CYTH1: variants seen among roughly 807,000 people sequenced by gnomAD.
CYTH1 encodes cytohesin 1.
Under a neutral mutation model 61.8 loss-of-function variants are expected in CYTH1, and 18 were observed. The observed-to-expected ratio is 0.29, with a 90% CI of 0.20 to 0.43. The LOEUF (loss-of-function observed/expected upper bound fraction) is 0.43, where lower values mean the gene tolerates loss of function less well. CYTH1 is among the 20% of genes least tolerant of loss of function. The probability of loss-of-function intolerance (pLI) is 1.00; values close to 1 mark genes in which losing one functional copy is unlikely to be tolerated. For synonymous variants in CYTH1, 174 were observed against 184.3 expected (o/e 0.94, Z 0.45); for missense variants, 336 against 510.5 (o/e 0.66, Z 3.29).
chr17:78,697,223 C>T (rs2092948104), intron 9 of CYTH1, among the ~76,000 whole-genome samples: 1 of 149,484 alleles, frequency 6.7e-6, no homozygotes, highest in Non-Finnish European at 1.5e-5. Flanking sequence ...CTGGGGCAAG[C>T]AGTTGGGCTG....
At chr17:78,684,707 A>G (rs549959184) in intron 11 of CYTH1, among the ~76,000 whole-genome samples, 1 of 152,340 alleles carries the variant, frequency 6.6e-6, no homozygotes, top group East Asian at 1.9e-4. Context: ...AGATGGAGAA[A>G]AACAGGTTTT....
intron 1 of CYTH1, among the ~76,000 whole-genome samples, chr17:78,724,619 G>A (rs1016291637): frequency 9.2e-5 from 14 of 152,192 alleles, no homozygotes; most frequent in East Asian, 7.7e-4. Context: ...TGTCCCCTGC[G>A]GGACAAAACT....
At chr17:78,685,203 CAAAAAAAAAAAAA>C (rs58642161) in intron 11 of CYTH1, among the ~76,000 whole-genome samples, 2 of 60,446 alleles carry the variant, frequency 3.3e-5, no homozygotes, top group African/African-American at 1.3e-4. Context: ...GACTCTGTCT[CAAAAAAAAAAAAA>C]AAAAAAAAGG....
At chr17:78,724,601 T>C (rs2093255190) in intron 1 of CYTH1, among the ~76,000 whole-genome samples, 1 of 152,186 alleles carries the variant, frequency 6.6e-6, no homozygotes, top group African/African-American at 2.4e-5. Flanking sequence ...TCTCCAGGCA[T>C]TGCTGAATGT....
chr17:78,726,068 G>T (rs898190625), intron 1 of CYTH1, among the ~76,000 whole-genome samples: 3 of 146,268 alleles, frequency 2.1e-5, no homozygotes, highest in East Asian at 2.0e-4. Flanking sequence ...TTTTGAGACG[G>T]TGTCTTGCTC....
At chr17:78,744,450 C>T (rs1478519059) in intron 1 of CYTH1, among the ~76,000 whole-genome samples, 2 of 152,152 alleles carry the variant, frequency 1.3e-5, no homozygotes, top group Non-Finnish European at 2.9e-5. Context: ...CAAGTGTCCT[C>T]CAAAGTCCCG....
At position 78,698,952 on chromosome 17, in the gene CYTH1, G is replaced by C. The variant is rs1266904786; in HGVS notation, c.567C>G (p.Leu189=). 1 of 1,610,874 alleles carries C rather than the reference G, an allele frequency of 6.2e-7. No homozygotes were observed. The highest frequency in any genetic ancestry group is 2.2e-5 in the East Asian group (1 of 44,592). The change falls in exon 8 of 14, where the codon CTC becomes CTG. Residue 189 remains leucine (L), a synonymous_variant. Coordinates refer to ENST00000446868, the MANE Select transcript of CYTH1 (RefSeq NM_004762.6). ...TGTTCAACATGATGATGGCAAAGGA[G>C]AGGACGTAACAAGTATCTAAAGATG... ...VFQSTDTCYV[L]SFAIIMLNTS...
rs556040336 is a variant in CYTH1, at chr17:78,702,390, T to C, written c.237+148A>G. 114 of 1,030,522 alleles carry C rather than the reference T, an allele frequency of 1.1e-4. No homozygotes were observed. The South Asian group carries it at 1.5e-3, about 14-fold the overall frequency. 63.8% of individuals were successfully genotyped at this position (1,030,522 alleles called of 1,614,324 possible). A position where few individuals can be genotyped will look rare whatever the true frequency, so the allele number is the denominator to read the frequency against. On this transcript the variant is annotated intron_variant, in intron 4 of 13. Coordinates refer to ENST00000446868, the MANE Select transcript of CYTH1 (RefSeq NM_004762.6). The stretch of plus-strand genomic sequence containing the variant: ...CCTATAAAGCCGGGGAGTCACAGTT[T>C]AGGAACAAGGGCTTAGTGCATAACA...
intron 1 of CYTH1, among the ~76,000 whole-genome samples, chr17:78,737,874 TACAC>T (rs10660165): frequency 1.3e-3 from 195 of 150,010 alleles, no homozygotes; most frequent in African/African-American, 3.8e-3. Context: ...CTTCTATAGA[TACAC>T]ACACACACAC....
At chr17:78,753,348 G>A (rs1026246674) in intron 1 of CYTH1, among the ~76,000 whole-genome samples, 1 of 152,080 alleles carries the variant, frequency 6.6e-6, no homozygotes, top group African/African-American at 2.4e-5. Context: ...CACAAGGCCG[G>A]TGCCACAGGC....
intron 1 of CYTH1, among the ~76,000 whole-genome samples, chr17:78,763,247 G>C (rs35573467): frequency 6.6e-6 from 1 of 151,650 alleles, no homozygotes; most frequent in African/African-American, 2.4e-5. Flanking sequence ...GGAGGCTGAG[G>C]CAGGAGAATC....
intron 8 of CYTH1, 131 bp downstream of exon 8, chr17:78,698,689 C>A: frequency 8.6e-7 from 1 of 1,159,484 alleles, no homozygotes; most frequent in Admixed American, 2.7e-5. Flanking sequence ...TAATGAAATT[C>A]ACATGGTTAA....
intron 1 of CYTH1, among the ~76,000 whole-genome samples, chr17:78,777,454 TAAAC>T (rs2093497226): frequency 6.6e-6 from 1 of 151,980 alleles, no homozygotes; most frequent in Non-Finnish European, 1.5e-5. Flanking sequence ...ATTAAATAAA[TAAAC>T]AAACCAGTAA....
chr17:78,765,843 T>C (rs2093446401), intron 1 of CYTH1, among the ~76,000 whole-genome samples: 1 of 151,988 alleles, frequency 6.6e-6, no homozygotes, highest in Non-Finnish European at 1.5e-5. Context: ...ATAGCATGAA[T>C]AAAGTGGCAC....
chr17:78,683,996 C>A (rs1024083583), intron 11 of CYTH1, among the ~76,000 whole-genome samples: 2 of 152,152 alleles, frequency 1.3e-5, no homozygotes, highest in African/African-American at 4.8e-5. Flanking sequence ...GTGAGGCCTG[C>A]GGCATCCAGG....
chr17:78,702,028 C>T, intron 5 of CYTH1, 94 bp downstream of exon 5: 1 of 1,096,056 alleles, frequency 9.1e-7, no homozygotes, highest in South Asian at 1.4e-5. Context: ...AAGGCAAAAA[C>T]CCCTCCAAGA....
intron 1 of CYTH1, among the ~76,000 whole-genome samples, chr17:78,711,261 C>CAAATAAAT (rs547065237): frequency 2.2e-3 from 312 of 141,518 alleles, no homozygotes; most frequent in South Asian, 4.6e-3. Flanking sequence ...GACTCCATCT[C>CAAATAAAT]AAATAAATAA....
chr17:78,722,331 G>GTT (rs1467761759), intron 1 of CYTH1, among the ~76,000 whole-genome samples: 1 of 152,232 alleles, frequency 6.6e-6, no homozygotes, highest in Admixed American at 6.5e-5. Context: ...CTCCACTGCT[G>GTT]TTTCGAAAGG....
At chr17:78,780,257 C>G (rs1055172680) in intron 1 of CYTH1, among the ~76,000 whole-genome samples, 1 of 152,216 alleles carries the variant, frequency 6.6e-6, no homozygotes, top group African/African-American at 2.4e-5. Flanking sequence ...GTGGCTCATG[C>G]CTGTAATCCC....
Sources: allele counts gnomAD v4.1 joint callset (sites outside exome capture counted in the v4.1 genomes callset), GRCh38; gene constraint gnomAD v4.1.1; transcripts MANE v1.5; gene names NCBI Gene and HGNC (gene_info 2026-07-23, HGNC 2026-07-21).